NFASC: variants seen among roughly 807,000 people sequenced by gnomAD.
NFASC encodes the protein neurofascin, also known as neurofascin homolog.
NFASC carries 43 observed loss-of-function variants against 147.5 expected under a neutral mutation model. The ratio of observed to expected loss-of-function variants is 0.29; its 90% confidence interval spans 0.23 to 0.38. NFASC has a LOEUF of 0.38. Among genes scored for constraint, NFASC ranks in the 10% least tolerant of loss-of-function variants. NFASC has a pLI of 1.00. For synonymous variants in NFASC, 622 were observed against 665.5 expected, an observed-to-expected ratio of 0.93 and a Z score of 1.01; for missense variants, 1,320 against 1,689.0, an observed-to-expected ratio of 0.78 and a Z score of 3.83.
chr1:204,893,969 T>C (rs570694173), intron 1 of NFASC, among the ~76,000 whole-genome samples: 4 of 152,316 alleles, frequency 2.6e-5, no homozygotes, highest in African/African-American at 9.6e-5. Context: ...TCATAACAAG[T>C]AGTCTGGATG....
intron 11 of NFASC, among the ~76,000 whole-genome samples, chr1:204,971,662 A>G (rs2095261902): frequency 6.6e-6 from 1 of 152,206 alleles, no homozygotes; most frequent in African/African-American, 2.4e-5. Context: ...TAAGGAAATA[A>G]GGTTCTCCTC....
At chr1:204,964,448 A>G (rs951570349) in intron 8 of NFASC, among the ~76,000 whole-genome samples, 13 of 152,250 alleles carry the variant, frequency 8.5e-5, no homozygotes, top group African/African-American at 2.9e-4. Context: ...GGAAGAAAGT[A>G]CCATAGAGGG....
intron 3 of NFASC, chr1:204,948,703 G>A: frequency 1.9e-6 from 1 of 519,074 alleles, no homozygotes; most frequent in South Asian, 1.4e-5. Flanking sequence ...TGGATCTGGA[G>A]ATTCCCTGGA....
chr1:204,871,808 G>A (rs1242410103), intron 1 of NFASC, among the ~76,000 whole-genome samples: 1 of 152,212 alleles, frequency 6.6e-6, no homozygotes, highest in Admixed American at 6.5e-5. Flanking sequence ...ATGTCACCTG[G>A]TCTGGCTGAT....
chr1:204,916,504 T>C (rs984709009), intron 1 of NFASC, among the ~76,000 whole-genome samples: 5 of 152,226 alleles, frequency 3.3e-5, no homozygotes, highest in African/African-American at 1.2e-4. Flanking sequence ...CATTTTTAAA[T>C]GGCAGTAAAA....
At chr1:204,840,175 C>T (rs1674897420) in intron 1 of NFASC, among the ~76,000 whole-genome samples, 1 of 152,164 alleles carries the variant, frequency 6.6e-6, no homozygotes, top group Admixed American at 6.5e-5. Flanking sequence ...CAACAAGGTC[C>T]CAGGTAATGC....
chr1:204,875,508 A>G (rs2078601410), intron 1 of NFASC, among the ~76,000 whole-genome samples: 1 of 152,184 alleles, frequency 6.6e-6, no homozygotes, highest in Admixed American at 6.5e-5. Context: ...ACGGGATTAG[A>G]AAGTTAAGGT....
At chr1:204,879,003 C>G (rs59936174) in intron 1 of NFASC, among the ~76,000 whole-genome samples, 2,155 of 152,192 alleles carry the variant, frequency 0.014, 43 homozygotes, top group African/African-American at 0.049. Flanking sequence ...GGAGATTCTT[C>G]TGAGTGGAAA....
At chr1:204,969,523 C>G (rs2095136131) in intron 10 of NFASC, among the ~76,000 whole-genome samples, 1 of 152,212 alleles carries the variant, frequency 6.6e-6, no homozygotes, top group Non-Finnish European at 1.5e-5. Context: ...GCACTGGTCA[C>G]TGTTTGGCCT....
intron 24 of NFASC, 102 bp downstream of exon 24, chr1:204,991,408 C>T: frequency 8.1e-7 from 1 of 1,227,966 alleles, no homozygotes; most frequent in Non-Finnish European, 1.2e-6. Context: ...AGGCTGAAAG[C>T]ATGCTCCAGA....
At chr1:204,920,334 G>T (rs1014283037) in intron 1 of NFASC, among the ~76,000 whole-genome samples, 1 of 152,058 alleles carries the variant, frequency 6.6e-6, no homozygotes, top group Non-Finnish European at 1.5e-5. Flanking sequence ...AACTTCTTGT[G>T]GTGAATAGGG....
intron 2 of NFASC, among the ~76,000 whole-genome samples, chr1:204,931,536 A>G (rs979082378): frequency 1.3e-5 from 2 of 152,188 alleles, no homozygotes. Context: ...TTGTAGTACT[A>G]TTCTAGTCAC....
At chr1:204,830,489 T>C (rs1671894602) in intron 1 of NFASC, among the ~76,000 whole-genome samples, 1 of 152,190 alleles carries the variant, frequency 6.6e-6, no homozygotes, top group African/African-American at 2.4e-5. Flanking sequence ...GCTACGCAGC[T>C]AATACATTTC....
intron 1 of NFASC, among the ~76,000 whole-genome samples, chr1:204,896,477 C>T (rs1304290470): frequency 1.3e-5 from 2 of 152,172 alleles, no homozygotes; most frequent in East Asian, 1.9e-4. Flanking sequence ...CTCTGTGTTT[C>T]TACCCACAAG....
chr1:204,833,464 C>T (rs1023126556), intron 1 of NFASC, among the ~76,000 whole-genome samples: 5 of 151,538 alleles, frequency 3.3e-5, no homozygotes, highest in Non-Finnish European at 4.4e-5. Context: ...ACCCCCTCCC[C>T]GCCTCCAACC....
rs879755156 is a variant in NFASC at position 204,987,620 on chromosome 1, G to A, written c.2593+80G>A. On this transcript the variant is annotated intron_variant, in intron 22 of 29. Transcript: ENST00000339876. This position sits in a 1 kb window ranked among gnomAD's most constrained non-coding sequence, Gnocchi z 4.4. ...CTCACCACTTTTCCTAAGGACTCAA[G>A]GTAGAAAGCCTGTGGGTGCAGATGG... 3 of 1,553,102 alleles carry A rather than the reference G, an allele frequency of 1.9e-6. No individual in the cohort carries two copies. The highest frequency in any genetic ancestry group is 2.3e-5 in the South Asian group (2 of 87,672).
At chr1:205,008,123 G>C (rs2096170926) in intron 27 of NFASC, among the ~76,000 whole-genome samples, 1 of 152,118 alleles carries the variant, frequency 6.6e-6, no homozygotes, top group Non-Finnish European at 1.5e-5. Context: ...CAACTTTCTT[G>C]GTGCAATGCC....
chr1:205,012,828 T>C lies in NFASC; in HGVS notation c.3453T>C (p.Pro1151=). The change falls in exon 29 of 30, where the codon CCT becomes CCC. Residue 1151 remains proline (P), a synonymous_variant. Coordinates refer to ENST00000339876, the MANE Select transcript of NFASC (RefSeq NM_001005388.3). ...AAAAGAAGGATGTTCCCCTTGGCCC[T>C]GAAGACCCCAAGGAAGAGGATGGCT... The part of the protein sequence containing the change: ...VREKKDVPLG[P]EDPKEEDGSF... 6.2e-7 allele frequency: 1 copy of C among 1,613,740 alleles called. No individual in the cohort carries two copies. Among genetic ancestry groups the C allele is most frequent in the East Asian group, 2.2e-5 (1 of 44,876 alleles).
At chr1:204,857,492 G>C (rs1304922252) in intron 1 of NFASC, among the ~76,000 whole-genome samples, 2 of 152,174 alleles carry the variant, frequency 1.3e-5, no homozygotes, top group African/African-American at 4.8e-5. Flanking sequence ...CAGGTCAATT[G>C]GCTGGTTTCT....
Sources: gnomAD v4.1 joint callset for allele counts (sites outside exome capture counted in the v4.1 genomes callset) on GRCh38, gnomAD v4.1.1 for gene constraint, Gnocchi (gnomAD v3.1) non-coding constraint, MANE v1.5 for transcripts, NCBI Gene and HGNC (gene_info 2026-07-23, HGNC 2026-07-21) for gene names.